Variants in WDR43 observed in about 807,000 individuals in gnomAD.
WDR43 encodes WD repeat-containing protein 43.
A neutral mutation model predicts 91.4 loss-of-function variants in WDR43; 13 were observed. The ratio of observed to expected loss-of-function variants is 0.14; its 90% confidence interval spans 0.09 to 0.23. The LOEUF (loss-of-function observed/expected upper bound fraction) is 0.23, where lower values mean the gene tolerates loss of function less well. Among genes scored for constraint, WDR43 ranks in the 10% least tolerant of loss-of-function variants. The pLI, the probability that WDR43 is intolerant of heterozygous loss-of-function variation, is 1.00. For synonymous variants in WDR43, 331 were observed against 287.9 expected (o/e 1.15, Z -1.51); for missense variants, 780 against 809.4 (o/e 0.96, Z 0.44).
At position 28,905,759 on chromosome 2, in the gene WDR43, G is replaced by A. The variant is rs766162835; in HGVS notation, c.364-701G>A. ...GGCTCACTGCAACCTCTGCCTCTCA[G>A]GTTCACATGATTCTCCTGCCTCAGC... On this transcript the variant is annotated intron_variant, in intron 2 of 17. Transcript: ENST00000407426. Among the ~76,000 whole-genome samples, 5 of 151,456 alleles carry A rather than the reference G, an allele frequency of 3.3e-5. No individual in the cohort carries two copies. In the Middle Eastern group the frequency reaches 0.017, roughly 515 times the overall value.
intron 10 of WDR43, among the ~76,000 whole-genome samples, chr2:28,928,684 G>T (rs1671188681): frequency 6.6e-6 from 1 of 152,036 alleles, no homozygotes; most frequent in African/African-American, 2.4e-5. Context: ...GTTTTTGTTT[G>T]TTTGTTTGTT....
intron 6 of WDR43, among the ~76,000 whole-genome samples, chr2:28,922,095 T>A (rs1048383795): frequency 6.6e-6 from 1 of 152,240 alleles, no homozygotes; most frequent in Non-Finnish European, 1.5e-5. Flanking sequence ...AGATTTCTTA[T>A]TTTTAAATAC....
intron 1 of WDR43, among the ~76,000 whole-genome samples, chr2:28,899,118 T>G (rs1235055762): frequency 1.3e-5 from 2 of 152,250 alleles, no homozygotes; most frequent in Non-Finnish European, 2.9e-5. Context: ...AATCACCTCC[T>G]TGGGGTATTC....
chr2:28,897,172 T>C (rs1386323415), intron 1 of WDR43, among the ~76,000 whole-genome samples: 1 of 152,212 alleles, frequency 6.6e-6, no homozygotes, highest in Non-Finnish European at 1.5e-5. Context: ...GTGTGTCCTC[T>C]TGGAGCATCA....
chr2:28,937,604 G>A (rs1021013821), intron 13 of WDR43, among the ~76,000 whole-genome samples: 4 of 151,936 alleles, frequency 2.6e-5, no homozygotes, highest in African/African-American at 7.3e-5. Context: ...AAAACCAGTC[G>A]AACTCAATTT....
intron 11 of WDR43, among the ~76,000 whole-genome samples, chr2:28,933,791 A>G (rs1220498842): frequency 6.6e-6 from 1 of 152,214 alleles, no homozygotes; most frequent in East Asian, 1.9e-4. Context: ...TAAAGCTTGC[A>G]CACACCCCTT....
At chr2:28,908,566 C>T (rs543020197) in intron 3 of WDR43, among the ~76,000 whole-genome samples, 1 of 151,620 alleles carries the variant, frequency 6.6e-6, no homozygotes, top group East Asian at 2.0e-4. Flanking sequence ...CCATTCAACA[C>T]GTGTGCGTTT....
intron 3 of WDR43, among the ~76,000 whole-genome samples, chr2:28,911,485 A>G (rs1025595874): frequency 6.6e-6 from 1 of 151,830 alleles, no homozygotes; most frequent in Non-Finnish European, 1.5e-5. Context: ...TAGTAGAGAC[A>G]GGGTTTCACC....
chr2:28,934,822 A>G (rs1671309048), intron 11 of WDR43, among the ~76,000 whole-genome samples: 1 of 152,208 alleles, frequency 6.6e-6, no homozygotes, highest in Non-Finnish European at 1.5e-5. Context: ...ACCATCACCA[A>G]CAAATACATA....
intron 14 of WDR43, among the ~76,000 whole-genome samples, chr2:28,940,164 C>T (rs974984474): frequency 1.4e-5 from 2 of 145,848 alleles, no homozygotes; most frequent in African/African-American, 5.0e-5. Flanking sequence ...GCTACAGGGA[C>T]AGATAAAAGA....
chr2:28,918,870 T>A (rs551572469), intron 6 of WDR43, among the ~76,000 whole-genome samples: 10 of 152,334 alleles, frequency 6.6e-5, no homozygotes, highest in African/African-American at 2.2e-4. Context: ...GTTAAGGATA[T>A]TCACTTTTAA....
chr2:28,907,643 C>A (rs1249242846), intron 3 of WDR43, among the ~76,000 whole-genome samples: 1 of 142,662 alleles, frequency 7.0e-6, no homozygotes, highest in Admixed American at 7.0e-5. Context: ...TGGTGGCTCA[C>A]GCCTGTAATC....
chr2:28,922,816 T>TTTAG, intron 6 of WDR43, 103 bp from the exon 7 acceptor site: 2 of 447,232 alleles, frequency 4.5e-6, no homozygotes, highest in Non-Finnish European at 7.5e-6. Context: ...TTTTTTTTTC[T>TTTAG]GGTTGTGTAA....
At chr2:28,906,051 T>C (rs1455753649) in intron 2 of WDR43, among the ~76,000 whole-genome samples, 1 of 152,218 alleles carries the variant, frequency 6.6e-6, no homozygotes, top group South Asian at 2.1e-4. Context: ...TAGTTAATTA[T>C]TTGGTAATGA....
chr2:28,919,323 G>A (rs1670976953), intron 6 of WDR43, among the ~76,000 whole-genome samples: 1 of 151,922 alleles, frequency 6.6e-6, no homozygotes, highest in African/African-American at 2.4e-5. Context: ...TATGAAATGG[G>A]GGCCATTGAT....
chr2:28,945,597 G>A (rs1671530705), intron 16 of WDR43, among the ~76,000 whole-genome samples: 1 of 152,164 alleles, frequency 6.6e-6, no homozygotes, highest in African/African-American at 2.4e-5. Flanking sequence ...CTGGATGTGA[G>A]GCCTAAAGGT....
chr2:28,937,785 A>G lies in WDR43; in HGVS notation c.1557-146A>G. ...AATCTGAAAGAAAAAACGGAAAGTGATATATACACAGTGATATATTTATTA... is the reference window on the plus strand; with the variant it reads ...AATCTGAAAGAAAAAACGGAAAGTGGTATATACACAGTGATATATTTATTA... On this transcript the variant is annotated intron_variant, in intron 13 of 17. Transcript: ENST00000407426. The G allele has an allele frequency of 5.4e-6, 4 of 734,716 alleles. No homozygotes were observed. The South Asian group carries it at 7.4e-5, about 14-fold the overall frequency. 45.5% of individuals were successfully genotyped at this position (734,716 alleles called of 1,614,324 possible).
intron 7 of WDR43, 32 bp downstream of exon 7, chr2:28,923,015 G>A (rs1286816615): frequency 1.3e-6 from 2 of 1,584,500 alleles, no homozygotes; most frequent in African/African-American, 2.7e-5. Flanking sequence ...TAAGAAATTT[G>A]TTTCTTTCCC....
At chr2:28,941,956 T>G (rs2148200487) in intron 15 of WDR43, among the ~76,000 whole-genome samples, 1 of 152,318 alleles carries the variant, frequency 6.6e-6, no homozygotes, top group Middle Eastern at 3.4e-3. Flanking sequence ...CTTGGAAAGC[T>G]TATCAGTTTG....
Sources: allele counts gnomAD v4.1 joint callset (sites outside exome capture counted in the v4.1 genomes callset), GRCh38; gene constraint gnomAD v4.1.1; transcripts MANE v1.5; gene names NCBI Gene and HGNC (gene_info 2026-07-23, HGNC 2026-07-21).